Variants in MYT1L observed in about 807,000 individuals in gnomAD.
The protein encoded by MYT1L is myelin transcription factor 1-like protein.
MYT1L carries 12 observed loss-of-function variants against 126.7 expected under a neutral mutation model. The ratio of observed to expected loss-of-function variants is 0.09; its 90% CI spans 0.06 to 0.15. The LOEUF is 0.15. Ranked by LOEUF, MYT1L falls within the 10% of genes least tolerant of loss-of-function variation. The pLI is 1.00. For missense variants in MYT1L, 979 were observed against 1,585.2 expected (o/e 0.62, Z 6.49); for synonymous variants, 541 against 604.2 (o/e 0.90, Z 1.53).
At chr2:2,003,967 C>G (rs1227882487) in intron 4 of MYT1L, among the ~76,000 whole-genome samples, 1 of 151,300 alleles carries the variant, frequency 6.6e-6, no homozygotes, top group African/African-American at 2.4e-5. Flanking sequence ...GCGTTCTTTC[C>G]TGCAGGCATT....
intron 18 of MYT1L, among the ~76,000 whole-genome samples, chr2:1,872,038 G>A (rs2046344014): frequency 6.6e-6 from 1 of 152,176 alleles, no homozygotes; most frequent in Non-Finnish European, 1.5e-5. Flanking sequence ...TGATCAAGGT[G>A]ATGCTGGTGC....
chr2:1,907,018 G>A (rs542073979), intron 13 of MYT1L, among the ~76,000 whole-genome samples: 6 of 151,332 alleles, frequency 4.0e-5, no homozygotes, highest in East Asian at 1.9e-4. Flanking sequence ...TGGTTGAGGC[G>A]GGAGGATTGC....
At chr2:1,824,521 C>G (rs2039017979) in intron 21 of MYT1L, 2 of 152,290 alleles carry the variant, frequency 1.3e-5, no homozygotes, top group Admixed American at 1.3e-4. Flanking sequence ...TGCTCTCGTC[C>G]TGAAGTTTGT....
At chr2:2,173,165 T>C (rs2090299036) in intron 2 of MYT1L, among the ~76,000 whole-genome samples, 177 bp from the exon 3 acceptor site, 1 of 152,236 alleles carries the variant, frequency 6.6e-6, no homozygotes, top group Non-Finnish European at 1.5e-5. Context: ...TAAACTCTAA[T>C]AATGGCTAAC....
At chr2:2,253,724 GGGC>G (rs1383932060) in intron 2 of MYT1L, among the ~76,000 whole-genome samples, 6 of 151,888 alleles carry the variant, frequency 4.0e-5, no homozygotes, top group African/African-American at 1.2e-4. Flanking sequence ...CGGGGCAGGA[GGGC>G]AAGTCGGAAA....
chr2:2,218,679 G>A (rs7420242), intron 2 of MYT1L, among the ~76,000 whole-genome samples: 20,392 of 152,164 alleles, frequency 0.13, 1,390 homozygotes, highest in Non-Finnish European at 0.15. Context: ...TTACAGAGTT[G>A]TATACTTTAA....
At chr2:2,051,092 C>T (rs1173951940) in intron 4 of MYT1L, among the ~76,000 whole-genome samples, 1 of 152,104 alleles carries the variant, frequency 6.6e-6, no homozygotes, top group African/African-American at 2.4e-5. Context: ...AATAGAACCA[C>T]ACCCCATTCT....
chr2:2,264,028 C>G (rs1422891377), intron 2 of MYT1L, among the ~76,000 whole-genome samples: 1 of 152,114 alleles, frequency 6.6e-6, no homozygotes, highest in Admixed American at 6.5e-5. Flanking sequence ...AAAAATCTTG[C>G]ATTTATAGAA....
At position 2,170,314 on chromosome 2, in the gene MYT1L, C is replaced by G. The variant is rs187589493; in HGVS notation, c.-304+2558G>C. On this transcript the variant is annotated intron_variant, in intron 3 of 24. Transcript: ENST00000647738. ...ACAGGCCAAATCTGTTCTCTACCGACGCTGTAAATAAGGGTTGACAAACTT... is the reference window on the plus strand; with the variant it reads ...ACAGGCCAAATCTGTTCTCTACCGAGGCTGTAAATAAGGGTTGACAAACTT... Among the ~76,000 whole-genome samples the G allele has an allele frequency of 4.6e-5, 7 of 152,314 alleles. No individual in the cohort carries two copies. In the East Asian group the frequency reaches 9.6e-4, roughly 21 times the overall value.
chr2:1,940,726 C>CA (rs1486761036), intron 9 of MYT1L, among the ~76,000 whole-genome samples: 18 of 152,384 alleles, frequency 1.2e-4, no homozygotes, highest in Admixed American at 1.1e-3. Context: ...AGCTGCTGAA[C>CA]ATGAATTCTG....
intron 5 of MYT1L, among the ~76,000 whole-genome samples, chr2:1,985,780 C>T (rs986157658): frequency 6.6e-6 from 1 of 152,298 alleles, no homozygotes; most frequent in South Asian, 2.1e-4. Flanking sequence ...TTGTAATAGG[C>T]CCCCTAGAGG....
chr2:1,874,716 C>T (rs1206625877), intron 18 of MYT1L, among the ~76,000 whole-genome samples: 1 of 152,214 alleles, frequency 6.6e-6, no homozygotes. Flanking sequence ...TTGCCACCTC[C>T]ATGTGATGCT....
At chr2:1,854,758 G>T (rs1055046094) in intron 18 of MYT1L, among the ~76,000 whole-genome samples, 2 of 152,200 alleles carry the variant, frequency 1.3e-5, no homozygotes, top group African/African-American at 4.8e-5. Flanking sequence ...CCGCGTGAAT[G>T]AATGTGGGGA....
intron 1 of MYT1L, among the ~76,000 whole-genome samples, chr2:2,317,796 C>T (rs1385573521): frequency 6.6e-6 from 1 of 152,104 alleles, no homozygotes; most frequent in African/African-American, 2.4e-5. Flanking sequence ...CTCTCTGACT[C>T]TTGGAAGAGA....
chr2:1,881,420 A>G (rs964774639), intron 18 of MYT1L, among the ~76,000 whole-genome samples: 6 of 149,230 alleles, frequency 4.0e-5, no homozygotes, highest in African/African-American at 1.5e-4. Context: ...ATTTTGAAAC[A>G]TTCTTGTTTT....
chr2:1,926,267 G>A (rs1161873252), intron 9 of MYT1L, among the ~76,000 whole-genome samples: 1 of 152,152 alleles, frequency 6.6e-6, no homozygotes, highest in Non-Finnish European at 1.5e-5. Context: ...GCTCATGGAG[G>A]GGAACAGCCA....
intron 23 of MYT1L, among the ~76,000 whole-genome samples, chr2:1,798,019 C>CTT (rs532310759): frequency 3.2e-5 from 2 of 61,878 alleles, no homozygotes; most frequent in African/African-American, 1.4e-4. Context: ...CGGTCTCCCC[C>CTT]CATCCGGCAC....
chr2:2,092,476 T>C (rs756401254), intron 3 of MYT1L, among the ~76,000 whole-genome samples: 6 of 152,328 alleles, frequency 3.9e-5, no homozygotes, highest in Non-Finnish European at 8.8e-5. Flanking sequence ...ATAAAAAAGT[T>C]TGAAATATTG....
At chr2:1,840,702 A>G (rs2041544154) in intron 20 of MYT1L, 58 bp downstream of exon 20, 7 of 1,248,720 alleles carry the variant, frequency 5.6e-6, no homozygotes, top group Middle Eastern at 2.6e-4. Flanking sequence ...CTTTGCTTGA[A>G]TGCCTCGTCC....
Sources: allele counts gnomAD v4.1 joint callset (sites outside exome capture counted in the v4.1 genomes callset), GRCh38; gene constraint gnomAD v4.1.1; transcripts MANE v1.5; gene names NCBI Gene and HGNC (gene_info 2026-07-23, HGNC 2026-07-21).